MGAT4C: variants seen among roughly 807,000 people sequenced by gnomAD.
MGAT4C encodes MGAT4 family member C, also known as alpha-1,3-mannosyl-glycoprotein 4-beta-N-acetylglucosaminyltransferase C.
In MGAT4C, 19 loss-of-function variants were observed where a neutral mutation model predicts 40.1. That is an observed-to-expected ratio of 0.47 (90% confidence interval 0.33 to 0.70). MGAT4C has a LOEUF of 0.70. MGAT4C is among the 30% of genes least tolerant of loss of function. The pLI, the probability that MGAT4C is intolerant of heterozygous loss-of-function variation, is 0.02. For missense variants in MGAT4C, 491 were observed against 563.2 expected (o/e 0.87, Z 1.30); for synonymous variants, 181 against 187.1 (o/e 0.97, Z 0.27).
intron 1 of MGAT4C, among the ~76,000 whole-genome samples, chr12:86,060,879 C>T (rs992540120): frequency 2.0e-5 from 3 of 151,994 alleles, no homozygotes; most frequent in African/African-American, 7.3e-5. Flanking sequence ...CAGGAAAATT[C>T]CATTCTGGAA....
At chr12:86,309,036 G>T (rs527658724) in intron 4 of MGAT4C, among the ~76,000 whole-genome samples, 1 of 150,432 alleles carries the variant, frequency 6.6e-6, no homozygotes, top group East Asian at 2.0e-4. Flanking sequence ...TACCCATTCT[G>T]CTTCCATAAT....
At chr12:86,667,414 C>G (rs541534827) in intron 2 of MGAT4C, among the ~76,000 whole-genome samples, 1 of 152,178 alleles carries the variant, frequency 6.6e-6, no homozygotes, top group East Asian at 1.9e-4. Context: ...AAATACAGAC[C>G]TAGATGGAAA....
At chr12:86,573,344 T>C (rs2136424439) in intron 2 of MGAT4C, among the ~76,000 whole-genome samples, 1 of 152,158 alleles carries the variant, frequency 6.6e-6, no homozygotes, top group Non-Finnish European at 1.5e-5. Context: ...GAAAGCTGTG[T>C]ATTCCTCTAA....
intron 2 of MGAT4C, among the ~76,000 whole-genome samples, chr12:86,678,911 G>T (rs1272613334): frequency 1.3e-5 from 2 of 151,990 alleles, no homozygotes; most frequent in Non-Finnish European, 2.9e-5. Flanking sequence ...TGTCTTTATA[G>T]CAGCATGATT....
intron 4 of MGAT4C, among the ~76,000 whole-genome samples, chr12:86,299,172 G>A (rs924610645): frequency 6.6e-6 from 1 of 152,118 alleles, no homozygotes; most frequent in Non-Finnish European, 1.5e-5. Flanking sequence ...CTGGAGTGCA[G>A]TGGCGCGATC....
intron 2 of MGAT4C, among the ~76,000 whole-genome samples, chr12:86,000,860 T>C (rs1887216894): frequency 6.6e-6 from 1 of 152,172 alleles, no homozygotes; most frequent in Admixed American, 6.5e-5. Context: ...CGATGCCTCA[T>C]CAACTGCTCC....
At chr12:86,049,393 T>A (rs2136963156) in intron 2 of MGAT4C, among the ~76,000 whole-genome samples, 2 of 152,078 alleles carry the variant, frequency 1.3e-5, no homozygotes, top group South Asian at 4.1e-4. Context: ...TGTTTTGCTG[T>A]TGTTCTCTAA....
chr12:86,010,121 A>T (rs570092639), intron 2 of MGAT4C, among the ~76,000 whole-genome samples: 36 of 152,328 alleles, frequency 2.4e-4, no homozygotes, highest in Non-Finnish European at 3.7e-4. Context: ...AAAATACCCA[A>T]TTAAAAATAC....
At chr12:86,219,653 C>T (rs1227796791) in intron 1 of MGAT4C, among the ~76,000 whole-genome samples, 2 of 152,126 alleles carry the variant, frequency 1.3e-5, no homozygotes, top group East Asian at 1.9e-4. Flanking sequence ...TTTCACTGGA[C>T]AAGTTGTAAA....
chr12:86,433,223 C>T (rs909406290), intron 3 of MGAT4C, among the ~76,000 whole-genome samples: 10 of 151,572 alleles, frequency 6.6e-5, no homozygotes, highest in East Asian at 1.9e-4. Context: ...AGCTCCTAAA[C>T]GTGAAGATAA....
At chr12:86,750,047 C>A (rs1292484705) in intron 1 of MGAT4C, among the ~76,000 whole-genome samples, 2 of 151,814 alleles carry the variant, frequency 1.3e-5, no homozygotes, top group Admixed American at 6.6e-5. Context: ...TCCCATATGA[C>A]TGAACTGAAA....
At chr12:86,735,421 A>C (rs988321418) in intron 1 of MGAT4C, among the ~76,000 whole-genome samples, 3 of 151,824 alleles carry the variant, frequency 2.0e-5, no homozygotes, top group African/African-American at 7.3e-5. Flanking sequence ...GGAAAGGGGG[A>C]GGTAGACACG....
intron 2 of MGAT4C, among the ~76,000 whole-genome samples, chr12:86,688,937 T>A (rs1950123998): frequency 6.6e-6 from 1 of 152,216 alleles, no homozygotes; most frequent in South Asian, 2.1e-4. Flanking sequence ...TCCTGAAGTG[T>A]GTTTGCCAAC....
rs186513901 is a variant in MGAT4C, at chr12:86,299,397, G to T, written c.-57+34668C>A. On this transcript the variant is annotated intron_variant, in intron 4 of 7. Transcript: ENST00000548651. ...CTCCCAGAGTGCTGGGATTACAGGC[G>T]TGAGCCACTGTGCCTGGCCTCTTTT... Among the ~76,000 whole-genome samples, 1,176 of 152,278 alleles carry T rather than the reference G, an allele frequency of 7.7e-3. 21 individuals are homozygous for T. Among genetic ancestry groups the T allele is most frequent in the African/African-American group, 0.027 (1,126 of 41,550 alleles).
At chr12:86,199,606 T>A (rs903430778) in intron 1 of MGAT4C, among the ~76,000 whole-genome samples, 4 of 152,108 alleles carry the variant, frequency 2.6e-5, no homozygotes, top group Admixed American at 2.6e-4. Flanking sequence ...CAAAATATTT[T>A]AAGAATTTCT....
intron 2 of MGAT4C, among the ~76,000 whole-genome samples, chr12:86,585,405 C>T (rs1207662729): frequency 1.3e-5 from 2 of 151,042 alleles, no homozygotes; most frequent in African/African-American, 2.4e-5. Context: ...TCCTAAATAA[C>T]GTGAAATGTA....
At chr12:86,770,349 C>T (rs1375266515) in intron 1 of MGAT4C, among the ~76,000 whole-genome samples, 1 of 151,612 alleles carries the variant, frequency 6.6e-6, no homozygotes, top group East Asian at 1.9e-4. Context: ...TTTTTATTTC[C>T]CAGTGTTAGT....
At chr12:86,348,355 T>C (rs1455765405) in intron 3 of MGAT4C, among the ~76,000 whole-genome samples, 5 of 152,166 alleles carry the variant, frequency 3.3e-5, no homozygotes, top group African/African-American at 9.6e-5. Context: ...AATCCACTGA[T>C]ATTTTAACTT....
intron 2 of MGAT4C, among the ~76,000 whole-genome samples, chr12:86,638,953 A>G (rs954597609): frequency 6.6e-6 from 1 of 151,752 alleles, no homozygotes; most frequent in African/African-American, 2.4e-5. Context: ...ATATCTTTCC[A>G]TTATAGTGCA....
Sources: allele counts gnomAD v4.1 joint callset (sites outside exome capture counted in the v4.1 genomes callset), GRCh38; gene constraint gnomAD v4.1.1; transcripts MANE v1.5; gene names NCBI Gene and HGNC (gene_info 2026-07-23, HGNC 2026-07-21).